PPTC7: variants seen among roughly 807,000 people sequenced by gnomAD.
PPTC7 encodes the protein protein phosphatase PTC7 homolog.
PPTC7 carries 6 observed loss-of-function variants against 30.8 expected under a neutral mutation model. That is an observed-to-expected ratio of 0.19 (90% CI 0.11 to 0.38). The LOEUF (loss-of-function observed/expected upper bound fraction) is 0.38. Among genes scored for constraint, PPTC7 ranks in the 10% least tolerant of loss-of-function variants. The pLI is 1.00. For synonymous variants in PPTC7, 163 were observed against 168.1 expected (o/e 0.97, Z 0.23); for missense variants, 218 against 404.8 (o/e 0.54, Z 3.96).
intron 3 of PPTC7, 123 bp downstream of exon 3, chr12:110,545,757 T>G: frequency 2.4e-6 from 2 of 842,908 alleles, no homozygotes; most frequent in South Asian, 1.6e-5. Flanking sequence ...GTCCTCTTGA[T>G]GAGAACATTC....
intron 1 of PPTC7, among the ~76,000 whole-genome samples, chr12:110,570,246 T>TC (rs1185588154): frequency 7.1e-6 from 1 of 140,794 alleles, no homozygotes; most frequent in African/African-American, 2.8e-5. Context: ...AGGATGTGCT[T>TC]TGTTAAACAG....
Position 110,582,806 on chromosome 12 carries a change from C to A in PPTC7, c.223+3G>T. ...GGGCAAGGGAACCGGGTCGGGGACT[C>A]ACCGAGCACGTCCGCGGAACGGTGC... is the stretch of plus-strand genomic sequence containing the variant. On this transcript the variant is annotated splice_donor_region_variant and intron_variant, in intron 1 of 5. Transcript: ENST00000354300. 6.4e-7 allele frequency: 1 copy of A among 1,555,260 alleles called. No homozygotes were observed. Among genetic ancestry groups the A allele is most frequent in the Admixed American group, 1.9e-5 (1 of 52,262 alleles).
chr12:110,580,736 G>A (rs1210281648), intron 1 of PPTC7, among the ~76,000 whole-genome samples: 6 of 151,628 alleles, frequency 4.0e-5, no homozygotes, highest in East Asian at 2.0e-4. Context: ...TTTCACAAAA[G>A]TCGCATACAG....
chr12:110,548,368 C>A (rs1016610544), intron 2 of PPTC7, among the ~76,000 whole-genome samples: 2 of 152,164 alleles, frequency 1.3e-5, no homozygotes, highest in African/African-American at 4.8e-5. Flanking sequence ...CATGCTAATG[C>A]CCAGAAATTC....
chr12:110,541,848 AATATCTTG>A (rs1172716155), intron 3 of PPTC7, among the ~76,000 whole-genome samples: 2 of 151,860 alleles, frequency 1.3e-5, no homozygotes, highest in African/African-American at 4.8e-5. Context: ...GTCTTCAAGA[AATATCTTG>A]ATATCTTGAC....
At chr12:110,556,385 A>C (rs2064387471) in intron 1 of PPTC7, among the ~76,000 whole-genome samples, 1 of 152,254 alleles carries the variant, frequency 6.6e-6, no homozygotes, top group Non-Finnish European at 1.5e-5. Context: ...TTGGGATGAG[A>C]ATCAGACTAA....
intron 1 of PPTC7, among the ~76,000 whole-genome samples, chr12:110,569,282 G>C (rs965633383): frequency 1.3e-5 from 2 of 149,492 alleles, no homozygotes; most frequent in African/African-American, 5.0e-5. Flanking sequence ...GAAGTGAGCG[G>C]AGATCACACC....
intron 1 of PPTC7, among the ~76,000 whole-genome samples, chr12:110,559,508 T>C (rs1215148502): frequency 2.6e-4 from 39 of 151,504 alleles, no homozygotes; most frequent in Non-Finnish European, 4.1e-4. Context: ...GGCAGATCAC[T>C]TGAGGTCAGG....
intron 1 of PPTC7, among the ~76,000 whole-genome samples, chr12:110,567,938 G>A (rs1402329733): frequency 1.3e-5 from 2 of 152,074 alleles, no homozygotes; most frequent in African/African-American, 4.8e-5. Flanking sequence ...CCATTTGAAT[G>A]TGCTGCCTCT....
chr12:110,543,477 C>G (rs2064280459), intron 3 of PPTC7, among the ~76,000 whole-genome samples: 1 of 151,072 alleles, frequency 6.6e-6, no homozygotes, highest in Admixed American at 6.6e-5. Context: ...TGGGGGAAAT[C>G]AGGTCAATTC....
chr12:110,556,977 G>A (rs2064393919), intron 1 of PPTC7, among the ~76,000 whole-genome samples: 1 of 152,156 alleles, frequency 6.6e-6, no homozygotes. Flanking sequence ...GGCAGGGAAG[G>A]ATAACAAGAG....
chr12:110,554,954 A>T (rs978028351), intron 1 of PPTC7, among the ~76,000 whole-genome samples: 1 of 152,186 alleles, frequency 6.6e-6, no homozygotes, highest in African/African-American at 2.4e-5. Context: ...AGCATGTATC[A>T]TATGATTTTT....
chr12:110,579,944 C>T (rs1296717905), intron 1 of PPTC7, among the ~76,000 whole-genome samples: 1 of 151,738 alleles, frequency 6.6e-6, no homozygotes, highest in Non-Finnish European at 1.5e-5. Context: ...ACCCGGGAGG[C>T]GGAGGTTGCA....
rs1448547398 is a variant in PPTC7, at chr12:110,534,009, C to T, written c.*3028G>A. On this transcript the variant is annotated 3_prime_UTR_variant, in exon 6 of 6. Coordinates refer to ENST00000354300, the MANE Select transcript of PPTC7 (RefSeq NM_139283.2). ...AATGGATTCTTTTGTGATTTAGTAC[C>T]CAACAACCATGTCAAGCAAGTACAG... 6.6e-6 allele frequency: 1 copy of T among 152,104 alleles called. No homozygotes were observed. The highest frequency in any genetic ancestry group is 1.5e-5 in the Non-Finnish European group (1 of 68,010). 9.4% of individuals were successfully genotyped at this position (152,104 alleles called of 1,614,324 possible).
At chr12:110,558,753 G>A (rs1298093953) in intron 1 of PPTC7, among the ~76,000 whole-genome samples, 1 of 152,022 alleles carries the variant, frequency 6.6e-6, no homozygotes, top group Non-Finnish European at 1.5e-5. Flanking sequence ...AGCCCCCCAA[G>A]TAGCTACCAC....
At chr12:110,544,346 G>C (rs1469124572) in intron 3 of PPTC7, among the ~76,000 whole-genome samples, 1 of 152,182 alleles carries the variant, frequency 6.6e-6, no homozygotes. Context: ...CTATTAAGTA[G>C]AGACAAGTAC....
At chr12:110,542,072 C>T (rs1021992250) in intron 3 of PPTC7, among the ~76,000 whole-genome samples, 3 of 151,906 alleles carry the variant, frequency 2.0e-5, no homozygotes, top group African/African-American at 7.3e-5. Flanking sequence ...CTTGCTTCAA[C>T]CCCAAAGCTG....
chr12:110,574,683 T>C (rs1168021032), intron 1 of PPTC7, among the ~76,000 whole-genome samples: 1 of 152,196 alleles, frequency 6.6e-6, no homozygotes, highest in African/African-American at 2.4e-5. Flanking sequence ...TAGGTCAGCT[T>C]TTACAAAAAG....
chr12:110,566,148 G>A (rs1456192621), intron 1 of PPTC7, among the ~76,000 whole-genome samples: 2 of 63,332 alleles, frequency 3.2e-5, no homozygotes, highest in African/African-American at 7.0e-5. Flanking sequence ...GCAGTGCAGA[G>A]CTTACGGCAT....
Sources: allele counts gnomAD v4.1 joint callset (sites outside exome capture counted in the v4.1 genomes callset), GRCh38; gene constraint gnomAD v4.1.1; transcripts MANE v1.5; gene names NCBI Gene and HGNC (gene_info 2026-07-23, HGNC 2026-07-21).